Variants in ZNF558 observed in about 807,000 individuals in gnomAD.
The protein encoded by ZNF558 is zinc finger protein 558.
ZNF558 carries 23 observed loss-of-function variants against 37.6 expected under a neutral mutation model. That is an observed-to-expected ratio of 0.61 (90% confidence interval 0.44 to 0.87). The LOEUF is 0.87. ZNF558 is among the 40% of genes least tolerant of loss of function. ZNF558 has a pLI of 0.00. For synonymous variants in ZNF558, 189 were observed against 174.4 expected, an observed-to-expected ratio of 1.08 and a Z score of -0.66; for missense variants, 429 against 483.7, an observed-to-expected ratio of 0.89 and a Z score of 1.06.
At chr19:8,834,627 CCAAAAAAAAA>C (rs1158414444), upstream of ZNF558, among the ~76,000 whole-genome samples, 3 of 146,346 alleles carry the variant, frequency 2.0e-5, no homozygotes, top group African/African-American at 7.5e-5. Flanking sequence ...CAAACCAAAA[CCAAAAAAAAA>C]CAAAAAAAAA....
Position 8,808,654 on chromosome 19 carries a change from A to AATTTG in ZNF558, c.*2626_*2627insCAAAT. 2 of 152,338 alleles carry AATTTG rather than the reference A, an allele frequency of 1.3e-5. No individual in the cohort carries two copies. The highest frequency in any genetic ancestry group is 4.1e-4 in the South Asian group (2 of 4,828). The allele number at this position is 152,338 out of a possible 1,614,324, so 9.4% of individuals were successfully genotyped here. On this transcript the variant is annotated 3_prime_UTR_variant, in exon 10 of 10. Transcript: ENST00000601372. ...GTTTTCAAAGAAACAACATGGGTAA[A>AATTTG]ACTTGACCAATTTATAGGTTTACCA...
intron 1 of ZNF558, among the ~76,000 whole-genome samples, chr19:8,831,664 T>C (rs2044359812): frequency 6.6e-6 from 1 of 152,232 alleles, no homozygotes; most frequent in Admixed American, 6.5e-5. Context: ...AGAGATTCTA[T>C]GGTGACTCCA....
chr19:8,827,448 T>C (rs1026629462), intron 2 of ZNF558, among the ~76,000 whole-genome samples: 1 of 152,112 alleles, frequency 6.6e-6, no homozygotes, highest in African/African-American at 2.4e-5. Context: ...GCAAATTGCA[T>C]CACCCTCTGG....
rs1047277904 is a variant in ZNF558 at position 8,808,765 on chromosome 19, T to A, written c.*2516A>T. 6.6e-6 allele frequency: 1 copy of A among 151,970 alleles called. No homozygotes were observed. Among genetic ancestry groups the A allele is most frequent in the Non-Finnish European group, 1.5e-5 (1 of 67,976 alleles). 9.4% of individuals were successfully genotyped at this position (151,970 alleles called of 1,614,324 possible). A position where few individuals can be genotyped will look rare whatever the true frequency, so the allele number is the denominator to read the frequency against. ...CATGTTGGCTTCAATCAGTTAGGGG[T>A]TTCTTTTTTTAAAAATATTTATTTG... On this transcript the variant is annotated 3_prime_UTR_variant, in exon 10 of 10. Coordinates refer to ENST00000601372, the MANE Select transcript of ZNF558 (RefSeq NM_144693.3).
chr19:8,827,872 C>T (rs1249872814), intron 2 of ZNF558, among the ~76,000 whole-genome samples: 1 of 152,162 alleles, frequency 6.6e-6, no homozygotes, highest in Non-Finnish European at 1.5e-5. Flanking sequence ...CTGCGCCCAG[C>T]TTCTTTCCCT....
At chr19:8,834,556 C>T (rs1444164445), upstream of ZNF558, among the ~76,000 whole-genome samples, 4 of 148,898 alleles carry the variant, frequency 2.7e-5, no homozygotes, top group African/African-American at 5.0e-5. Flanking sequence ...TGCAGTGAGC[C>T]GAGATCACCC....
intron 6 of ZNF558, 61 bp from the exon 7 acceptor site, chr19:8,821,367 G>A (rs2044084926): frequency 7.4e-6 from 12 of 1,613,880 alleles, no homozygotes; most frequent in Non-Finnish European, 5.9e-6. Flanking sequence ...TGCACAGGAA[G>A]AGGGGCCAGG....
chr19:8,818,345 G>A (rs190248026), intron 7 of ZNF558, among the ~76,000 whole-genome samples: 73 of 152,124 alleles, frequency 4.8e-4, no homozygotes, highest in Middle Eastern at 3.4e-3. Context: ...CGAGCTACTC[G>A]GGAGGCTGAC....
chr19:8,823,062 A>C (rs2044134599), intron 4 of ZNF558, among the ~76,000 whole-genome samples: 1 of 150,608 alleles, frequency 6.6e-6, no homozygotes. Flanking sequence ...CGCCTCCATA[A>C]CTCCTCCCAC....
In ZNF558 at chr19:8,813,519, C is replaced by T. The variant is rs140238212; in HGVS notation, c.248-297G>A. Among the ~76,000 whole-genome samples, 26 of 152,170 alleles carry T rather than the reference C, an allele frequency of 1.7e-4. No homozygotes were observed. In the East Asian group the frequency reaches 4.2e-3, roughly 25 times the overall value. The stretch of plus-strand genomic sequence containing the variant: ...GACTACAGGTGCACACAACCACGCC[C>T]GGCTAATTTTTGTATTTTTAGTAGA... On this transcript the variant is annotated intron_variant, in intron 7 of 9. Transcript: ENST00000601372.
At chr19:8,815,066 A>G (rs2043898887) in intron 7 of ZNF558, among the ~76,000 whole-genome samples, 1 of 152,194 alleles carries the variant, frequency 6.6e-6, no homozygotes, top group Non-Finnish European at 1.5e-5. Context: ...CCCTAGTTTC[A>G]ACAAAATAAT....
intron 7 of ZNF558, among the ~76,000 whole-genome samples, chr19:8,818,776 T>C (rs1180628782): frequency 6.6e-6 from 1 of 152,172 alleles, no homozygotes; most frequent in African/African-American, 2.4e-5. Flanking sequence ...ATGCCTGTAA[T>C]CCCTGCACTT....
At chr19:8,816,251 G>C (rs2043936858) in intron 7 of ZNF558, among the ~76,000 whole-genome samples, 1 of 152,074 alleles carries the variant, frequency 6.6e-6, no homozygotes, top group Non-Finnish European at 1.5e-5. Flanking sequence ...ATTTTTTGTA[G>C]AGACAGGGTC....
intron 1 of ZNF558, 53 bp from the exon 2 acceptor site, chr19:8,831,454 T>C (rs1401321973): frequency 6.6e-6 from 1 of 152,050 alleles, no homozygotes; most frequent in Admixed American, 6.6e-5. Flanking sequence ...GTATAGGTTG[T>C]ACAGTTGTTG....
In ZNF558 at chr19:8,812,068, G is replaced by A. The variant is rs781891061; in HGVS notation, c.427-5C>T. ...CACTCCACGATGACTTCTTTCCTGT[G>A]GATTAAGAGATGAATGATAACTATA... On this transcript the variant is annotated splice_region_variant and splice_polypyrimidine_tract_variant and intron_variant, in intron 9 of 9. Coordinates refer to ENST00000601372, the MANE Select transcript of ZNF558 (RefSeq NM_144693.3). 6.5e-7 allele frequency: 1 copy of A among 1,542,736 alleles called. No homozygotes were observed. Among genetic ancestry groups the A allele is most frequent in the Non-Finnish European group, 8.7e-7 (1 of 1,148,538 alleles).
In ZNF558 at chr19:8,822,825, G is replaced by T; in HGVS notation, c.-65-101C>A. ...CCATCCTTCCCATCCTTCTTCAAAT[G>T]CAAGTTCCGGCTTCCACACTGGGCC... On this transcript the variant is annotated intron_variant, in intron 4 of 9. Coordinates refer to ENST00000601372, the MANE Select transcript of ZNF558 (RefSeq NM_144693.3). The surrounding 1 kb of genome is among the most constrained non-coding windows in gnomAD (Gnocchi z 4.4). 9.6e-7 allele frequency: 1 copy of T among 1,036,368 alleles called. No individual in the cohort carries two copies. Among genetic ancestry groups the T allele is most frequent in the Non-Finnish European group, 1.4e-6 (1 of 707,884 alleles). The allele number at this position is 1,036,368 out of a possible 1,614,324, so 64.2% of individuals were successfully genotyped here.
rs886931202 is a variant in ZNF558, at chr19:8,809,481, G to C, written c.*1800C>G. 6 of 152,148 alleles carry C rather than the reference G, an allele frequency of 3.9e-5. No homozygotes were observed. The highest frequency in any genetic ancestry group is 1.9e-4 in the East Asian group (1 of 5,196). The allele number at this position is 152,148 out of a possible 1,614,324, so 9.4% of individuals were successfully genotyped here. A position where few individuals can be genotyped will look rare whatever the true frequency, so the allele number is the denominator to read the frequency against. On this transcript the variant is annotated 3_prime_UTR_variant, in exon 10 of 10. Coordinates refer to ENST00000601372, the MANE Select transcript of ZNF558 (RefSeq NM_144693.3). ...ACTGAAGAGAACGGACACTGGGAAA[G>C]AAACCAACAGTATTTGGCATACCAA... is the stretch of plus-strand genomic sequence containing the variant.
intron 7 of ZNF558, among the ~76,000 whole-genome samples, chr19:8,815,037 T>C (rs868968186): frequency 2.7e-4 from 29 of 106,074 alleles, no homozygotes; most frequent in Admixed American, 1.2e-3. Context: ...CAAATTGCTA[T>C]ATTATAATAT....
intron 7 of ZNF558, among the ~76,000 whole-genome samples, chr19:8,816,402 G>A: frequency 6.6e-6 from 1 of 152,100 alleles, no homozygotes; most frequent in Non-Finnish European, 1.5e-5. Flanking sequence ...GACAAAGGCA[G>A]CATCCTAAAA....
Sources: gnomAD v4.1 joint callset for allele counts (sites outside exome capture counted in the v4.1 genomes callset) on GRCh38, gnomAD v4.1.1 for gene constraint, Gnocchi (gnomAD v3.1) non-coding constraint, MANE v1.5 for transcripts, NCBI Gene and HGNC (gene_info 2026-07-23, HGNC 2026-07-21) for gene names.